Variants in ZNF33A observed in about 807,000 individuals in gnomAD.
ZNF33A encodes the protein zinc finger protein 33A.
ZNF33A carries 9 observed loss-of-function variants against 15.9 expected under a neutral mutation model. That is an observed-to-expected ratio of 0.57 (90% confidence interval 0.34 to 0.99). ZNF33A has a LOEUF of 0.99. ZNF33A is among the 50% of genes least tolerant of loss of function. The probability of loss-of-function intolerance (pLI) is 0.02; values close to 1 mark genes in which losing one functional copy is unlikely to be tolerated. For missense variants in ZNF33A, 843 were observed against 941.6 expected (o/e 0.90, Z 1.37); for synonymous variants, 294 against 324.2 (o/e 0.91, Z 1.00).
Position 38,014,134 on chromosome 10 carries a change from A to G in ZNF33A, c.9+1784A>G, listed in dbSNP as rs189659345. Among the ~76,000 whole-genome samples the G allele has an allele frequency of 5.6e-4, 74 of 131,042 alleles. 1 individual carries two copies. In the East Asian group the frequency reaches 7.2e-3, roughly 13 times the overall value. 86.0% of individuals were successfully genotyped at this position (131,042 alleles called of 152,430 possible). ...TTGGCTCACTGCAGCCTCTGCCTTC[A>G]GGGCCCAAGGGATTCTCCTGGCTAA... is the stretch of plus-strand genomic sequence containing the variant. On this transcript the variant is annotated intron_variant, in intron 2 of 4. Coordinates refer to ENST00000432900, the MANE Select transcript of ZNF33A (RefSeq NM_006954.2).
chr10:38,036,182 G>A (rs2065446411), intron 4 of ZNF33A, among the ~76,000 whole-genome samples: 1 of 152,156 alleles, frequency 6.6e-6, no homozygotes, highest in African/African-American at 2.4e-5. Flanking sequence ...GCTTATGCTT[G>A]TAATCCTAGC....
intron 4 of ZNF33A, among the ~76,000 whole-genome samples, chr10:38,036,616 A>G (rs2065466638): frequency 6.6e-6 from 1 of 152,148 alleles, no homozygotes; most frequent in Non-Finnish European, 1.5e-5. Context: ...AAAAAAATCT[A>G]CAAGAAACCT....
At chr10:38,024,163 C>CAAAAAAAAAAAAAAAAAAA (rs71007682) in intron 4 of ZNF33A, among the ~76,000 whole-genome samples, 4 of 93,152 alleles carry the variant, frequency 4.3e-5, no homozygotes, top group African/African-American at 8.2e-5. Flanking sequence ...AAAAACAAAA[C>CAAAAAAAAAAAAAAAAAAA]AAAAAAAAAA....
At chr10:38,010,612 C>T (rs745760377), upstream of ZNF33A, 13 of 1,196,000 alleles carry the variant, frequency 1.1e-5, no homozygotes, top group South Asian at 1.6e-4. Flanking sequence ...CCAGGTAGGG[C>T]GCCAACAGCA....
intron 4 of ZNF33A, among the ~76,000 whole-genome samples, chr10:38,032,069 A>G (rs190782781): frequency 2.0e-4 from 30 of 152,310 alleles, no homozygotes; most frequent in African/African-American, 7.2e-4. Context: ...GATCTCTTGT[A>G]TCGCCAGTTT....
At chr10:38,063,001 TCAAAAAAAAAAAA>T (rs1447924468), downstream of ZNF33A, among the ~76,000 whole-genome samples, 1 of 31,306 alleles carries the variant, frequency 3.2e-5, no homozygotes, top group Admixed American at 5.7e-4. Context: ...AGACTCCATC[TCAAAAAAAAAAAA>T]AAAAAAAAAA....
downstream of ZNF33A, among the ~76,000 whole-genome samples, chr10:38,062,583 A>G (rs1246452343): frequency 2.6e-5 from 4 of 152,080 alleles, no homozygotes; most frequent in Non-Finnish European, 5.9e-5. Flanking sequence ...TGGGAGAGAG[A>G]TTTGTAATAC....
intron 4 of ZNF33A, chr10:38,039,606 G>A (rs1426926093): frequency 4.4e-6 from 2 of 451,720 alleles, no homozygotes; most frequent in Non-Finnish European, 8.9e-6. Context: ...TTCTACTTGA[G>A]TTGGTTTTAG....
At chr10:38,051,807 G>T (rs1487239296) in intron 4 of ZNF33A, among the ~76,000 whole-genome samples, 1 of 151,220 alleles carries the variant, frequency 6.6e-6, no homozygotes, top group Non-Finnish European at 1.5e-5. Flanking sequence ...TTTTTATTTT[G>T]CACTGGCCCC....
rs530288653 is a variant in ZNF33A, at chr10:38,040,848, TCA to T, written c.251-13526_251-13525del. Reference sequence around the variant, plus strand: ...GTTTGACTTATGATTTTTTAACTTTTCAATAGGTTTATTGGGTTGAAACCCCT... The same window carrying T: ...GTTTGACTTATGATTTTTTAACTTTTATAGGTTTATTGGGTTGAAACCCCT... On this transcript the variant is annotated intron_variant, in intron 4 of 4. Coordinates refer to ENST00000432900, the MANE Select transcript of ZNF33A (RefSeq NM_006954.2). Among the ~76,000 whole-genome samples the T allele has an allele frequency of 2.9e-3, 448 of 152,338 alleles. 1 individual carries two copies. Among genetic ancestry groups the T allele is most frequent in the South Asian group, 7.0e-3 (34 of 4,830 alleles).
chr10:38,043,883 A>C (rs1197730647), intron 4 of ZNF33A: 1 of 149,922 alleles, frequency 6.7e-6, no homozygotes, highest in Admixed American at 6.6e-5. Context: ...TGTTTAATGC[A>C]ACACTTCATG....
In ZNF33A at chr10:38,029,055, T is replaced by C. The variant is rs1328176342; in HGVS notation, c.250+11669T>C. On this transcript the variant is annotated intron_variant, in intron 4 of 4. Coordinates refer to ENST00000432900, the MANE Select transcript of ZNF33A (RefSeq NM_006954.2). ...TTTATTTAGTTCTTATCCATTTATC[T>C]TTTAAGTCCCGCAGGAAGTAAAAAA... Among the ~76,000 whole-genome samples, 3 of 152,322 alleles carry C rather than the reference T, an allele frequency of 2.0e-5. No homozygotes were observed. In the East Asian group the frequency reaches 5.8e-4, roughly 29 times the overall value.
At chr10:38,018,009 A>G (rs1323905993) in intron 4 of ZNF33A, among the ~76,000 whole-genome samples, 4 of 152,178 alleles carry the variant, frequency 2.6e-5, no homozygotes, top group Non-Finnish European at 4.4e-5. Flanking sequence ...CAGGAGAATC[A>G]CTTGAACCCA....
Position 38,057,343 on chromosome 10 carries a change from T to C in ZNF33A, c.*783T>C. 2.0e-6 allele frequency: 2 copies of C among 985,432 alleles called. No individual in the cohort carries two copies. Among genetic ancestry groups the C allele is most frequent in the Non-Finnish European group, 2.4e-6 (2 of 829,924 alleles). The allele number at this position is 985,432 out of a possible 1,614,324, so 61.0% of individuals were successfully genotyped here. ...CATCCACTTGACTATGAAGTTTTTT[T>C]AAAGCACAGATAAATTGAATAATCA... On this transcript the variant is annotated 3_prime_UTR_variant, in exon 5 of 5. Transcript: ENST00000432900.
chr10:38,036,498 C>G (rs561560327), intron 4 of ZNF33A, among the ~76,000 whole-genome samples: 6 of 152,000 alleles, frequency 3.9e-5, no homozygotes, highest in African/African-American at 1.4e-4. Flanking sequence ...CAGAAGAAAA[C>G]CATATCATGT....
At chr10:38,045,861 C>T (rs982258868) in intron 4 of ZNF33A, among the ~76,000 whole-genome samples, 6 of 152,226 alleles carry the variant, frequency 3.9e-5, no homozygotes, top group Non-Finnish European at 7.3e-5. Flanking sequence ...TGGGAACTCT[C>T]TGTCCTTACA....
At chr10:38,027,421 A>G (rs1441356349) in intron 4 of ZNF33A, among the ~76,000 whole-genome samples, 1 of 151,936 alleles carries the variant, frequency 6.6e-6, no homozygotes, top group African/African-American at 2.4e-5. Context: ...TGGTACAATT[A>G]CGGCTCACTG....
intron 4 of ZNF33A, among the ~76,000 whole-genome samples, chr10:38,029,208 C>T (rs1471788546): frequency 4.6e-5 from 7 of 152,146 alleles, no homozygotes; most frequent in Admixed American, 6.6e-5. Flanking sequence ...TCTTTAAAGA[C>T]ACCCTTTAGT....
At chr10:38,017,491 T>C in intron 4 of ZNF33A, 105 bp downstream of exon 4, 1 of 801,572 alleles carries the variant, frequency 1.2e-6, no homozygotes, top group Non-Finnish European at 2.1e-6. Flanking sequence ...AACATCTCCA[T>C]AGGGATCCTA....
Sources: allele counts gnomAD v4.1 joint callset (sites outside exome capture counted in the v4.1 genomes callset), GRCh38; gene constraint gnomAD v4.1.1; transcripts MANE v1.5; gene names NCBI Gene and HGNC (gene_info 2026-07-23, HGNC 2026-07-21).